The following FHOD3 variants were observed in gnomAD, a reference collection of about 807,000 sequenced individuals.
The protein encoded by FHOD3 is FH1/FH2 domain-containing protein 3.
A neutral mutation model predicts 173.0 loss-of-function variants in FHOD3; 90 were observed. The ratio of observed to expected loss-of-function variants is 0.52; its 90% CI spans 0.44 to 0.62. The LOEUF (loss-of-function observed/expected upper bound fraction) is 0.62, where lower values mean the gene tolerates loss of function less well. Among genes scored for constraint, FHOD3 ranks in the 20% least tolerant of loss-of-function variants. The probability of loss-of-function intolerance (pLI) is 0.00; values close to 1 mark genes in which losing one functional copy is unlikely to be tolerated. For synonymous variants in FHOD3, 828 were observed against 823.0 expected (o/e 1.01, Z -0.10); for missense variants, 1,945 against 2,034.7 (o/e 0.96, Z 0.85).
chr18:36,765,841 T>C (rs1254269517), intron 27 of FHOD3, among the ~76,000 whole-genome samples: 1 of 152,088 alleles, frequency 6.6e-6, no homozygotes, highest in East Asian at 1.9e-4. Context: ...AGGGACACAG[T>C]TGAATGGTCT....
intron 14 of FHOD3, among the ~76,000 whole-genome samples, chr18:36,678,692 G>A (rs1280043193): frequency 2.0e-5 from 3 of 151,474 alleles, no homozygotes; most frequent in African/African-American, 7.3e-5. Flanking sequence ...AATGGTTGTT[G>A]AATTTAAAGC....
chr18:36,396,204 G>C (rs947667978), intron 3 of FHOD3, among the ~76,000 whole-genome samples: 52 of 152,146 alleles, frequency 3.4e-4, no homozygotes, highest in African/African-American at 1.3e-3. Context: ...TAATTAGACT[G>C]TGTCTTGGTA....
rs60675031 is a variant in FHOD3 at position 36,496,716 on chromosome 18, C to T, written c.338-5216C>T. On this transcript the variant is annotated intron_variant, in intron 3 of 28. Transcript: ENST00000590592. ...CCATGATGATGACGCTAGTATTGCT[C>T]TCGTGATATAGGGAATAATGCATAA... Among the ~76,000 whole-genome samples, 948 of 152,094 alleles carry T rather than the reference C, an allele frequency of 6.2e-3. 5 individuals carry two copies. The highest frequency in any genetic ancestry group is 0.022 in the African/African-American group (892 of 41,486).
At chr18:36,402,995 G>A (rs373874804) in intron 3 of FHOD3, among the ~76,000 whole-genome samples, 5 of 152,342 alleles carry the variant, frequency 3.3e-5, no homozygotes, top group East Asian at 1.9e-4. Context: ...TTGGTTAGAC[G>A]TTGCTAAGTC....
chr18:36,609,022 A>G (rs933399388), intron 8 of FHOD3, among the ~76,000 whole-genome samples: 6 of 152,256 alleles, frequency 3.9e-5, no homozygotes, highest in Admixed American at 2.6e-4. Context: ...GGTGCAATCA[A>G]TGAAAACCCA....
chr18:36,555,079 G>A (rs1418179022), intron 5 of FHOD3, among the ~76,000 whole-genome samples: 1 of 151,856 alleles, frequency 6.6e-6, no homozygotes, highest in Non-Finnish European at 1.5e-5. Context: ...CGTATTTTGT[G>A]TACCATGGGA....
chr18:36,590,412 T>A (rs2059177059), intron 6 of FHOD3, among the ~76,000 whole-genome samples: 1 of 152,186 alleles, frequency 6.6e-6, no homozygotes, highest in Non-Finnish European at 1.5e-5. Flanking sequence ...TGTACCTTTT[T>A]TACTTTCAAG....
chr18:36,747,824 C>G (rs1193345450), intron 24 of FHOD3, among the ~76,000 whole-genome samples: 1 of 152,236 alleles, frequency 6.6e-6, no homozygotes, highest in Admixed American at 6.5e-5. Flanking sequence ...CAGGGCCTTT[C>G]CTACCATGTG....
At chr18:36,691,520 C>T (rs558574664) in intron 16 of FHOD3, among the ~76,000 whole-genome samples, 1 of 152,202 alleles carries the variant, frequency 6.6e-6, no homozygotes, top group African/African-American at 2.4e-5. Context: ...TTTCAAGGTT[C>T]TTGTTACTTC....
At chr18:36,619,061 G>A (rs1364087997) in intron 9 of FHOD3, among the ~76,000 whole-genome samples, 2 of 152,170 alleles carry the variant, frequency 1.3e-5, no homozygotes, top group Non-Finnish European at 2.9e-5. Flanking sequence ...TGGGACCCAA[G>A]GCTGCTTGCC....
chr18:36,415,849 C>A (rs755522919), intron 3 of FHOD3, among the ~76,000 whole-genome samples: 1 of 152,156 alleles, frequency 6.6e-6, no homozygotes, highest in Non-Finnish European at 1.5e-5. Context: ...CCTTTCCATG[C>A]CGCAGCAGCC....
At chr18:36,500,383 G>A (rs2054968260) in intron 3 of FHOD3, among the ~76,000 whole-genome samples, 1 of 152,156 alleles carries the variant, frequency 6.6e-6, no homozygotes, top group Non-Finnish European at 1.5e-5. Flanking sequence ...TATCCTTTCT[G>A]TCACTAGACT....
intron 19 of FHOD3, 120 bp from the exon 20 acceptor site, chr18:36,730,526 G>C (rs920059406): frequency 5.2e-6 from 5 of 961,850 alleles, no homozygotes; most frequent in African/African-American, 4.9e-5. Flanking sequence ...GTCCTTCTCT[G>C]AGCTGAACTG....
chr18:36,734,648 G>T (rs191089879), intron 20 of FHOD3, among the ~76,000 whole-genome samples: 3 of 152,276 alleles, frequency 2.0e-5, no homozygotes, highest in Admixed American at 6.5e-5. Context: ...AGATCCATGT[G>T]CCAAACCAAT....
chr18:36,746,328 C>G (rs971013782), intron 23 of FHOD3, among the ~76,000 whole-genome samples: 10 of 152,202 alleles, frequency 6.6e-5, no homozygotes, highest in Non-Finnish European at 1.5e-5. Flanking sequence ...TACAGTTAGC[C>G]TCCTTGAGAA....
intron 5 of FHOD3, among the ~76,000 whole-genome samples, chr18:36,540,735 G>A (rs551187351): frequency 6.6e-6 from 1 of 152,130 alleles, no homozygotes; most frequent in Non-Finnish European, 1.5e-5. Context: ...GAAGGTGGAA[G>A]TCCCTTATAC....
In FHOD3 at chr18:36,755,284, T is replaced by G; in HGVS notation, c.4398T>G (p.Asn1466Lys). ...AACGGGCCAACCACAGAGAGAGAAATAAGACCAGAGGGAAGATGATCACCG... is the reference window on the plus strand; with the variant it reads ...AACGGGCCAACCACAGAGAGAGAAAGAAGACCAGAGGGAAGATGATCACCG... The part of the protein sequence containing the change: ...KQKRANHRER[N>K]KTRGKMITDT... The change falls in exon 25 of 29, where the codon AAT becomes AAG. Residue 1466 changes from asparagine to lysine, a missense_variant. Asn to Lys is a moderately conservative substitution (Grantham distance 94). This residue lies in a region of FHOD3 where 354 missense variants were observed against 359.9 expected (regional missense o/e 0.98). Coordinates refer to ENST00000590592, the MANE Select transcript of FHOD3 (RefSeq NM_001281740.3). The G allele has an allele frequency of 6.3e-7, 1 of 1,599,938 alleles. No homozygotes were observed.
chr18:36,596,424 C>A (rs1378321068), intron 7 of FHOD3, among the ~76,000 whole-genome samples: 2 of 147,018 alleles, frequency 1.4e-5, no homozygotes, highest in African/African-American at 5.1e-5. Context: ...ACCTTGTGAT[C>A]CACCTGCCTC....
At chr18:36,409,756 G>A (rs2049256846) in intron 3 of FHOD3, among the ~76,000 whole-genome samples, 1 of 152,192 alleles carries the variant, frequency 6.6e-6, no homozygotes, top group South Asian at 2.1e-4. Context: ...AGAGCTCTGG[G>A]GGTGTGGCCT....
Sources: gnomAD v4.1 joint callset for allele counts (sites outside exome capture counted in the v4.1 genomes callset) on GRCh38, gnomAD v4.1.1 for gene constraint, gnomAD v4.1.1 regional missense constraint, MANE v1.5 for transcripts, NCBI Gene and HGNC (gene_info 2026-07-23, HGNC 2026-07-21) for gene names.